The following WDR25 variants were observed in gnomAD, a reference collection of about 807,000 sequenced individuals.
The protein encoded by WDR25 is WD repeat-containing protein 25.
In WDR25, 35 loss-of-function variants were observed where a neutral mutation model predicts 47.7. That is an observed-to-expected ratio of 0.73 (90% confidence interval 0.56 to 0.97). The LOEUF (loss-of-function observed/expected upper bound fraction) is 0.97, where lower values mean the gene tolerates loss of function less well. WDR25 is among the 50% of genes least tolerant of loss of function. The pLI, the probability that WDR25 is intolerant of heterozygous loss-of-function variation, is 0.00. For synonymous variants in WDR25, 248 were observed against 278.9 expected (o/e 0.89, Z 1.10); for missense variants, 634 against 704.7 (o/e 0.90, Z 1.14).
chr14:100,475,139 G>A (rs755720575), intron 3 of WDR25, among the ~76,000 whole-genome samples: 2 of 152,206 alleles, frequency 1.3e-5, no homozygotes, highest in Non-Finnish European at 2.9e-5. Context: ...ACAAATGATA[G>A]CAAGTATTGG....
chr14:100,515,789 C>CTTTTTTTTTT (rs11301950), intron 4 of WDR25, among the ~76,000 whole-genome samples: 14 of 110,308 alleles, frequency 1.3e-4, no homozygotes, highest in South Asian at 3.1e-4. Context: ...CCACACCTTG[C>CTTTTTTTTTT]TTTTTTTTTT....
intron 4 of WDR25, among the ~76,000 whole-genome samples, chr14:100,491,293 T>C (rs1900555919): frequency 6.6e-6 from 1 of 152,252 alleles, no homozygotes; most frequent in South Asian, 2.1e-4. Context: ...GGGGCAAGAC[T>C]GTGAACTGGG....
chr14:100,389,838 T>C (rs1029102643), intron 2 of WDR25, among the ~76,000 whole-genome samples: 2 of 152,170 alleles, frequency 1.3e-5, no homozygotes, highest in African/African-American at 4.8e-5. Context: ...ATTGGGGCAC[T>C]GGGGAGCTCG....
chr14:100,513,503 C>T (rs1327322698), intron 4 of WDR25, among the ~76,000 whole-genome samples: 1 of 152,136 alleles, frequency 6.6e-6, no homozygotes, highest in Non-Finnish European at 1.5e-5. Flanking sequence ...GGTATTTTGT[C>T]CTAGCAGCAG....
At position 100,479,731 on chromosome 14, in the gene WDR25, G is replaced by A. The variant is rs112008395; in HGVS notation, c.971-4263G>A. 3.9e-5 allele frequency among the ~76,000 whole-genome samples: 6 copies of A among 152,236 alleles called. 1 individual carries two copies. Among genetic ancestry groups the A allele is most frequent in the African/African-American group, 1.4e-4 (6 of 41,554 alleles). ...CAGGGATCCCCAACCCCTGGGCCAC[G>A]GACTGGTACCTGTCCATAGCCTGTT... On this transcript the variant is annotated intron_variant, in intron 3 of 6. Coordinates refer to ENST00000402312, the MANE Select transcript of WDR25 (RefSeq NM_001161476.3).
At chr14:100,399,532 T>C (rs1897329814) in intron 2 of WDR25, among the ~76,000 whole-genome samples, 1 of 152,190 alleles carries the variant, frequency 6.6e-6, no homozygotes, top group Non-Finnish European at 1.5e-5. Context: ...TCCGTCCCCC[T>C]GTGCCCCTCT....
chr14:100,397,069 T>C (rs192724086), intron 2 of WDR25, among the ~76,000 whole-genome samples: 18 of 152,382 alleles, frequency 1.2e-4, no homozygotes, highest in Non-Finnish European at 1.0e-4. Flanking sequence ...CCTCATGCCC[T>C]TGGCTCTGTC....
chr14:100,382,268 C>T, intron 2 of WDR25: 2 of 679,138 alleles, frequency 2.9e-6, no homozygotes, highest in Non-Finnish European at 5.4e-6. Context: ...CACAGGTGCT[C>T]TGGGAGCCCA....
At chr14:100,487,119 G>A (rs903457241) in intron 4 of WDR25, among the ~76,000 whole-genome samples, 8 of 152,114 alleles carry the variant, frequency 5.3e-5, no homozygotes, top group South Asian at 2.1e-4. Flanking sequence ...TCGTAAGGTC[G>A]TCAGTCATAT....
At position 100,499,071 on chromosome 14, in the gene WDR25, G is replaced by A. The variant is rs532217590; in HGVS notation, c.1101+14947G>A. Among the ~76,000 whole-genome samples, 4 of 152,294 alleles carry A rather than the reference G, an allele frequency of 2.6e-5. No homozygotes were observed. In the South Asian group the frequency reaches 6.2e-4, roughly 24 times the overall value. ...TGAGGTGGTTGTTCTCTAGATGTTC[G>A]TTTTGATTAGAAAAGGAATACATGG... On this transcript the variant is annotated intron_variant, in intron 4 of 6. Transcript: ENST00000402312. This position sits in a 1 kb window ranked among gnomAD's most constrained non-coding sequence, Gnocchi z 4.4.
chr14:100,486,677 C>T (rs577983805), intron 4 of WDR25, among the ~76,000 whole-genome samples: 13 of 152,324 alleles, frequency 8.5e-5, no homozygotes, highest in African/African-American at 3.1e-4. Flanking sequence ...TCCTGTGGCG[C>T]TGTCCCAGGT....
At chr14:100,479,365 G>T (rs1440025308) in intron 3 of WDR25, among the ~76,000 whole-genome samples, 1 of 152,040 alleles carries the variant, frequency 6.6e-6, no homozygotes, top group Non-Finnish European at 1.5e-5. Flanking sequence ...GTCATGCTCT[G>T]TAGAAGGCTT....
rs1283309952 is a variant in WDR25 at position 100,523,514 on chromosome 14, T to G, written c.1102-2356T>G. ...GGTGTGGTTGGGGCCCTCGTGTTGA[T>G]GACTCAAAAACTAGACCTAGGAAGG... On this transcript the variant is annotated intron_variant, in intron 4 of 6. Transcript: ENST00000402312. This position sits in a 1 kb window ranked among gnomAD's most constrained non-coding sequence, Gnocchi z 4.7. 2.0e-5 allele frequency among the ~76,000 whole-genome samples: 3 copies of G among 152,222 alleles called. No individual in the cohort carries two copies. In the East Asian group the frequency reaches 5.8e-4, roughly 30 times the overall value.
At chr14:100,482,689 T>C (rs915909652) in intron 3 of WDR25, among the ~76,000 whole-genome samples, 4 of 152,190 alleles carry the variant, frequency 2.6e-5, no homozygotes, top group African/African-American at 7.2e-5. Context: ...CCTTCACTAA[T>C]GTGTGGGGGT....
rs1898223877 is a variant in WDR25 at position 100,428,179 on chromosome 14, G to T, written c.823-39842G>T. Among the ~76,000 whole-genome samples the T allele has an allele frequency of 6.6e-6, 1 of 152,220 alleles. No homozygotes were observed. The highest frequency in any genetic ancestry group is 1.5e-5 in the Non-Finnish European group (1 of 68,050). On this transcript the variant is annotated intron_variant, in intron 2 of 6. Coordinates refer to ENST00000402312, the MANE Select transcript of WDR25 (RefSeq NM_001161476.3). The surrounding 1 kb of genome is among the most constrained non-coding windows in gnomAD (Gnocchi z 4.3). ...TGTCGTGTGCTCCGACCGAAGCGTTGGCACTGACCCGTCTAGAATTCTGTG... is the reference window on the plus strand; with the variant it reads ...TGTCGTGTGCTCCGACCGAAGCGTTTGCACTGACCCGTCTAGAATTCTGTG...
intron 3 of WDR25, among the ~76,000 whole-genome samples, chr14:100,478,130 A>C (rs1900080883): frequency 6.6e-6 from 1 of 152,074 alleles, no homozygotes; most frequent in Non-Finnish European, 1.5e-5. Context: ...AAACAAAAAA[A>C]CCTGTATCCC....
In WDR25 at chr14:100,468,241, G is replaced by A. The variant is rs1899710922; in HGVS notation, c.970+73G>A. On this transcript the variant is annotated intron_variant, in intron 3 of 6. Transcript: ENST00000402312. This position sits in a 1 kb window ranked among gnomAD's most constrained non-coding sequence, Gnocchi z 4.5. Reference sequence around the variant, plus strand: ...CTGGGGAAGGTTCTCTGGTGGGCACGCAGCCACAAGCTGTATACGCTTGCG... The same window carrying A: ...CTGGGGAAGGTTCTCTGGTGGGCACACAGCCACAAGCTGTATACGCTTGCG... 2.6e-6 allele frequency: 4 copies of A among 1,552,778 alleles called. No homozygotes were observed. The highest frequency in any genetic ancestry group is 2.3e-5 in the East Asian group (1 of 44,322).
chr14:100,383,417 C>A (rs1180568313), intron 2 of WDR25, among the ~76,000 whole-genome samples: 1 of 152,248 alleles, frequency 6.6e-6, no homozygotes, highest in Non-Finnish European at 1.5e-5. Flanking sequence ...GGAAGCCCAT[C>A]TGGAGGGTTG....
intron 1 of WDR25, among the ~76,000 whole-genome samples, chr14:100,377,827 C>G (rs569821087): frequency 6.6e-6 from 1 of 152,110 alleles, no homozygotes; most frequent in Non-Finnish European, 1.5e-5. Context: ...AACCCATTGT[C>G]TAGAAGAAGA....
Sources: gnomAD v4.1 joint callset for allele counts (sites outside exome capture counted in the v4.1 genomes callset) on GRCh38, gnomAD v4.1.1 for gene constraint, Gnocchi (gnomAD v3.1) non-coding constraint, MANE v1.5 for transcripts, NCBI Gene and HGNC (gene_info 2026-07-23, HGNC 2026-07-21) for gene names.